The following CNNM2 variants were observed in gnomAD, a reference collection of about 807,000 sequenced individuals.
CNNM2 encodes cyclin and CBS domain divalent metal cation transport mediator 2.
CNNM2 carries 12 observed loss-of-function variants against 66.9 expected under a neutral mutation model. The observed-to-expected ratio is 0.18, with a 90% confidence interval of 0.11 to 0.29. The LOEUF is 0.29. CNNM2 is among the 10% of genes least tolerant of loss of function. The pLI is 1.00. For synonymous variants in CNNM2, 557 were observed against 501.8 expected (o/e 1.11, Z -1.47); for missense variants, 705 against 1,167.7 (o/e 0.60, Z 5.77).
chr10:103,018,893 G>A (rs1193855984), intron 1 of CNNM2, among the ~76,000 whole-genome samples: 3 of 150,324 alleles, frequency 2.0e-5, no homozygotes, highest in Non-Finnish European at 4.4e-5. Flanking sequence ...TCCTGAACTT[G>A]TGATCTACCA....
At chr10:103,022,939 G>A (rs1406723563) in intron 1 of CNNM2, among the ~76,000 whole-genome samples, 1 of 152,002 alleles carries the variant, frequency 6.6e-6, no homozygotes, top group Admixed American at 6.6e-5. Context: ...TCTTACTGTG[G>A]TTGCCCAGGC....
chr10:103,053,734 C>G (rs914173561), intron 2 of CNNM2, among the ~76,000 whole-genome samples: 5 of 152,118 alleles, frequency 3.3e-5, no homozygotes, highest in Non-Finnish European at 1.5e-5. Context: ...CTGTCCGGAT[C>G]CCATTCGTAT....
chr10:102,927,530 G>A (rs1049628526), intron 1 of CNNM2: 310 of 1,439,524 alleles, frequency 2.2e-4, no homozygotes, highest in Non-Finnish European at 2.8e-4. Context: ...GAGGCCCAGG[G>A]AGGTGGATCA....
At chr10:103,014,999 TA>T (rs1370274364) in intron 1 of CNNM2, among the ~76,000 whole-genome samples, 2 of 152,190 alleles carry the variant, frequency 1.3e-5, no homozygotes, top group Admixed American at 1.3e-4. Flanking sequence ...CTTCTTCCAG[TA>T]AATCAACTAC....
Position 103,056,962 on chromosome 10 carries a change from C to G in CNNM2, c.2071C>G (p.Gln691Glu). 10 of 1,608,948 alleles carry G rather than the reference C, an allele frequency of 6.2e-6. No individual in the cohort carries two copies. The highest frequency in any genetic ancestry group is 8.5e-6 in the Non-Finnish European group (10 of 1,178,000). Reference protein sequence around the residue: ...KPVDYFVLILQGKVEVEAGKE... With the variant: ...KPVDYFVLILEGKVEVEAGKE... ...AGTAGACTACTTCGTTCTCATTCTG[C>G]AGGTCAGAAGAATTATTCAATAGTG... The change falls in exon 4 of 8, where the codon CAG becomes GAG. Residue 691 changes from glutamine (Q) to glutamate (E), a missense_variant and splice_region_variant. By Grantham distance (29) the Gln-to-Glu change is conservative (BLOSUM62 2). Coordinates refer to ENST00000369878, the MANE Select transcript of CNNM2 (RefSeq NM_017649.5).
In CNNM2 at chr10:102,918,819, G is replaced by A; in HGVS notation, c.339G>A (p.Glu113=). The change falls in exon 1 of 8, where the codon GAG becomes GAA. Residue 113 remains glutamate (E), a synonymous_variant. Coordinates refer to ENST00000369878, the MANE Select transcript of CNNM2 (RefSeq NM_017649.5). The surrounding 1 kb of genome is among the most constrained non-coding windows in gnomAD (Gnocchi z 4.1). ...TGTACGGGCAGAACATCAATAACGA[G>A]ACGTGGTCCCGCATCGCCTTCACCG... ...LRVYGQNINN[E]TWSRIAFTEH... is the part of the protein sequence containing the mutation. 6.3e-7 allele frequency: 1 copy of A among 1,596,700 alleles called. No homozygotes were observed. Among genetic ancestry groups the A allele is most frequent in the African/African-American group, 1.3e-5 (1 of 74,396 alleles).
At chr10:102,920,712 C>T (rs764025576) in intron 1 of CNNM2, among the ~76,000 whole-genome samples, 1 of 152,118 alleles carries the variant, frequency 6.6e-6, no homozygotes, top group Non-Finnish European at 1.5e-5. Flanking sequence ...AAAAAAATCA[C>T]CCATTTTGGA....
At position 103,089,831 on chromosome 10, in the gene CNNM2, G is replaced by T. The variant is rs1564896308; in HGVS notation, c.*12651G>T. 6.2e-7 allele frequency: 1 copy of T among 1,614,090 alleles called. No homozygotes were observed. Among genetic ancestry groups the T allele is most frequent in the Non-Finnish European group, 8.5e-7 (1 of 1,180,002 alleles). On this transcript the variant is annotated 3_prime_UTR_variant, in exon 8 of 8. Transcript: ENST00000369878. The stretch of plus-strand genomic sequence containing the variant: ...CAGTGTCTTTGAAATCCACTGATGT[G>T]CGGTTCCGGGTGGCAAGAGGAGACT...
intron 1 of CNNM2, among the ~76,000 whole-genome samples, chr10:103,047,592 AG>A (rs1424870139): frequency 2.6e-5 from 4 of 152,214 alleles, no homozygotes; most frequent in Non-Finnish European, 4.4e-5. Context: ...AACCGGGTGA[AG>A]GGTTTATAGG....
intron 1 of CNNM2, among the ~76,000 whole-genome samples, chr10:102,966,814 C>T (rs1339912907): frequency 1.3e-5 from 2 of 152,134 alleles, no homozygotes; most frequent in Non-Finnish European, 2.9e-5. Flanking sequence ...GATACATGTG[C>T]TGAGTGCAAA....
chr10:103,003,164 G>A (rs2064156297), intron 1 of CNNM2, among the ~76,000 whole-genome samples: 1 of 149,596 alleles, frequency 6.7e-6, no homozygotes, highest in Non-Finnish European at 1.5e-5. Flanking sequence ...CCAGGCTGGA[G>A]TGCAGTGGCA....
rs1008128781 is a variant in CNNM2, at chr10:103,080,247, T to G, written c.*3067T>G. Reference sequence around the variant, plus strand: ...TCACCTGCTCCTGAGCAGCCACTGGTGCCCCACGGTTCCTCTGAAACTAAA... The same window carrying G: ...TCACCTGCTCCTGAGCAGCCACTGGGGCCCCACGGTTCCTCTGAAACTAAA... On this transcript the variant is annotated 3_prime_UTR_variant, in exon 8 of 8. Coordinates refer to ENST00000369878, the MANE Select transcript of CNNM2 (RefSeq NM_017649.5). 1 of 152,216 alleles carries G rather than the reference T, an allele frequency of 6.6e-6. No individual in the cohort carries two copies. The highest frequency in any genetic ancestry group is 6.5e-5 in the Admixed American group (1 of 15,270). 9.4% of individuals were successfully genotyped at this position (152,216 alleles called of 1,614,324 possible). A position where few individuals can be genotyped will look rare whatever the true frequency, so the allele number is the denominator to read the frequency against.
intron 1 of CNNM2, among the ~76,000 whole-genome samples, chr10:103,026,810 TAAGAG>T (rs1198160544): frequency 1.3e-5 from 2 of 152,120 alleles, no homozygotes; most frequent in Non-Finnish European, 2.9e-5. Context: ...GGAGGTCAGT[TAAGAG>T]AAGAGTCTAA....
intron 1 of CNNM2, among the ~76,000 whole-genome samples, chr10:102,949,395 G>T (rs189085648): frequency 1.3e-5 from 2 of 149,216 alleles, no homozygotes; most frequent in East Asian, 4.3e-4. Flanking sequence ...GGCTGATCTT[G>T]AACTCCCGAC....
chr10:102,956,417 C>T lies in CNNM2; in HGVS notation c.1621+36316C>T, dbSNP rs535851325. 4.6e-5 allele frequency among the ~76,000 whole-genome samples: 7 copies of T among 152,078 alleles called. No individual in the cohort carries two copies. In the East Asian group the frequency reaches 1.4e-3, roughly 29 times the overall value. On this transcript the variant is annotated intron_variant, in intron 1 of 7. Transcript: ENST00000369878. ...TATTGTGGAAGACAGTGTGGTGATT[C>T]CTCAAGGATCTGTAACTAGAAATAC... is the stretch of plus-strand genomic sequence containing the variant.
intron 5 of CNNM2, among the ~76,000 whole-genome samples, chr10:103,069,844 C>G (rs2065545134): frequency 6.6e-6 from 1 of 152,212 alleles, no homozygotes; most frequent in African/African-American, 2.4e-5. Flanking sequence ...TAGGAAACTT[C>G]ATTTACAAAC....
rs775787922 is a variant in CNNM2, at chr10:102,919,946, C to G, written c.1466C>G (p.Ser489Cys). The change falls in exon 1 of 8, where the codon TCC (serine) becomes TGC (cysteine). Residue 489 changes from serine (S) to cysteine (C), a missense_variant. Physicochemically the swap from Ser to Cys is moderately radical, Grantham distance 112. Around this residue, in one of 9 missense-constraint regions of CNNM2, gnomAD observed 171 missense variants for 304.8 expected, o/e 0.56. Coordinates refer to ENST00000369878, the MANE Select transcript of CNNM2 (RefSeq NM_017649.5). Reference sequence around the variant, plus strand: ...ATTCCAGTGTTTGAAGGGGAGCGCTCCAATATCGTGGACCTGCTGTTTGTC... The same window carrying G: ...ATTCCAGTGTTTGAAGGGGAGCGCTGCAATATCGTGGACCTGCTGTTTGTC... The part of the protein sequence containing the change: ...TRIPVFEGER[S>C]NIVDLLFVKD... The G allele has an allele frequency of 1.2e-5, 20 of 1,614,088 alleles. No individual in the cohort carries two copies. The highest frequency in any genetic ancestry group is 1.6e-4 in the Middle Eastern group (1 of 6,084).
At chr10:103,030,931 G>A (rs1435167213) in intron 1 of CNNM2, among the ~76,000 whole-genome samples, 1 of 152,168 alleles carries the variant, frequency 6.6e-6, no homozygotes, top group Non-Finnish European at 1.5e-5. Context: ...TGGACATGTT[G>A]AACTTAAGAT....
intron 1 of CNNM2, among the ~76,000 whole-genome samples, chr10:103,048,904 G>A (rs922326504): frequency 6.6e-6 from 1 of 152,126 alleles, no homozygotes; most frequent in Non-Finnish European, 1.5e-5. Flanking sequence ...CGCCTAGGCT[G>A]GAGTGCAGTG....
Sources: allele counts gnomAD v4.1 joint callset (sites outside exome capture counted in the v4.1 genomes callset), GRCh38; gene constraint gnomAD v4.1.1; regional missense constraint gnomAD v4.1.1; non-coding constraint Gnocchi (gnomAD v3.1); transcripts MANE v1.5; gene names NCBI Gene and HGNC (gene_info 2026-07-23, HGNC 2026-07-21).